PLCB1: variants seen among roughly 807,000 people sequenced by gnomAD.
PLCB1 encodes the protein 1-phosphatidylinositol 4,5-bisphosphate phosphodiesterase beta-1.
PLCB1 carries 46 observed loss-of-function variants against 161.8 expected under a neutral mutation model. The observed-to-expected ratio is 0.28, with a 90% confidence interval of 0.22 to 0.36. The LOEUF (loss-of-function observed/expected upper bound fraction) is 0.36. Among genes scored for constraint, PLCB1 ranks in the 10% least tolerant of loss-of-function variants. The pLI, the probability that PLCB1 is intolerant of heterozygous loss-of-function variation, is 1.00. For synonymous variants in PLCB1, 517 were observed against 503.7 expected (o/e 1.03, Z -0.35); for missense variants, 1,016 against 1,472.5 (o/e 0.69, Z 5.07).
chr20:8,706,932 G>T (rs1300617118), intron 11 of PLCB1, among the ~76,000 whole-genome samples: 1 of 152,170 alleles, frequency 6.6e-6, no homozygotes, highest in Admixed American at 6.5e-5. Flanking sequence ...GAGGCATTAA[G>T]TGATTTTCCC....
chr20:8,420,114 G>T (rs1169322702), intron 3 of PLCB1, among the ~76,000 whole-genome samples: 1 of 152,110 alleles, frequency 6.6e-6, no homozygotes, highest in Non-Finnish European at 1.5e-5. Flanking sequence ...AACAGAGAAA[G>T]CCCTTAATTT....
At chr20:8,340,485 C>T (rs162224) in intron 2 of PLCB1, among the ~76,000 whole-genome samples, 5 of 152,000 alleles carry the variant, frequency 3.3e-5, no homozygotes, top group African/African-American at 1.2e-4. Flanking sequence ...TGCAGTGGCG[C>T]GATCTCGGCT....
At chr20:8,395,016 A>G (rs1987723623) in intron 3 of PLCB1, among the ~76,000 whole-genome samples, 2 of 152,154 alleles carry the variant, frequency 1.3e-5, no homozygotes, top group Non-Finnish European at 2.9e-5. Flanking sequence ...TTTTCTTTCT[A>G]TGAATGTTAA....
At chr20:8,629,992 TTCTTTC>T in intron 4 of PLCB1, among the ~76,000 whole-genome samples, 1 of 99,386 alleles carries the variant, frequency 1.0e-5, no homozygotes, top group South Asian at 2.9e-4. Context: ...CTTTCTTTCT[TTCTTTC>T]TTTCTTTCTT....
At chr20:8,871,541 A>G (rs1245137068) in intron 31 of PLCB1, among the ~76,000 whole-genome samples, 1 of 152,272 alleles carries the variant, frequency 6.6e-6, no homozygotes, top group African/African-American at 2.4e-5. Context: ...ATTCAGTCCA[A>G]TGTTTTATTT....
chr20:8,648,980 A>G (rs1270773691), intron 6 of PLCB1, among the ~76,000 whole-genome samples: 2 of 151,104 alleles, frequency 1.3e-5, no homozygotes, highest in African/African-American at 2.4e-5. Flanking sequence ...AAGAAAAGAA[A>G]TTAATTTAAA....
intron 3 of PLCB1, among the ~76,000 whole-genome samples, chr20:8,552,937 T>C (rs1985822004): frequency 6.6e-6 from 1 of 152,142 alleles, no homozygotes; most frequent in Non-Finnish European, 1.5e-5. Context: ...TTATTGAGAA[T>C]TTGGGATAAA....
At chr20:8,180,025 A>C (rs1600219290) in intron 2 of PLCB1, among the ~76,000 whole-genome samples, 1 of 150,888 alleles carries the variant, frequency 6.6e-6, no homozygotes, top group African/African-American at 2.4e-5. Context: ...CGCCCGGCTA[A>C]TTTTTTGTAT....
At chr20:8,228,612 A>C (rs1485875239) in intron 2 of PLCB1, among the ~76,000 whole-genome samples, 2 of 151,926 alleles carry the variant, frequency 1.3e-5, no homozygotes, top group Non-Finnish European at 2.9e-5. Context: ...GGCTTAAGTG[A>C]TTCTCTCACC....
At chr20:8,652,995 A>G (rs939429082) in intron 7 of PLCB1, 1 of 152,038 alleles carries the variant, frequency 6.6e-6, no homozygotes, top group Non-Finnish European at 1.5e-5. Flanking sequence ...TTACCACTTT[A>G]CCCACAAACT....
At chr20:8,758,505 C>T (rs530494020) in intron 24 of PLCB1, among the ~76,000 whole-genome samples, 1 of 152,022 alleles carries the variant, frequency 6.6e-6, no homozygotes, top group Non-Finnish European at 1.5e-5. Context: ...TTGCTTGAAC[C>T]CAGGAGGCGG....
chr20:8,657,275 T>C lies in PLCB1; in HGVS notation c.686T>C (p.Phe229Ser). 1 of 1,586,282 alleles carries C rather than the reference T, an allele frequency of 6.3e-7. No individual in the cohort carries two copies. Among genetic ancestry groups the C allele is most frequent in the Non-Finnish European group, 8.7e-7 (1 of 1,154,868 alleles). ...CCTCGACCTGAAATTGATAACATCT[T>C]TTCAGAATTGTAAGAGTACACATTT... Reference protein sequence around the residue: ...LCPRPEIDNIFSEFGAKSKPY... With the variant: ...LCPRPEIDNISSEFGAKSKPY... The change falls in exon 8 of 32, where the codon TTT becomes TCT. Residue 229 changes from phenylalanine to serine, a missense_variant. Physicochemically the swap from Phe to Ser is radical, Grantham distance 155. Transcript: ENST00000338037.
At chr20:8,276,930 T>C (rs542263414) in intron 2 of PLCB1, among the ~76,000 whole-genome samples, 1 of 20,596 alleles carries the variant, frequency 4.9e-5, no homozygotes, top group African/African-American at 1.2e-4. Flanking sequence ...TCTTCTTTTC[T>C]TCTTCTTCTT....
chr20:8,194,849 A>C (rs923818504), intron 2 of PLCB1, among the ~76,000 whole-genome samples: 2 of 152,070 alleles, frequency 1.3e-5, no homozygotes, highest in Non-Finnish European at 2.9e-5. Context: ...GGGGAAGGGA[A>C]TTCCATTAGT....
At chr20:8,865,403 A>G (rs1987393547) in intron 31 of PLCB1, among the ~76,000 whole-genome samples, 1 of 152,246 alleles carries the variant, frequency 6.6e-6, no homozygotes, top group Non-Finnish European at 1.5e-5. Flanking sequence ...CATAAATAAG[A>G]GAAACACTCA....
At chr20:8,427,276 A>G (rs1025345232) in intron 3 of PLCB1, among the ~76,000 whole-genome samples, 1 of 152,198 alleles carries the variant, frequency 6.6e-6, no homozygotes, top group African/African-American at 2.4e-5. Context: ...ACATACTCAG[A>G]TTTGTAGCAT....
intron 31 of PLCB1, among the ~76,000 whole-genome samples, chr20:8,880,195 T>C (rs193029358): frequency 6.6e-6 from 1 of 152,316 alleles, no homozygotes; most frequent in East Asian, 1.9e-4. Context: ...GCATGGTGTT[T>C]CAAGGATTAT....
At chr20:8,253,504 A>G (rs542693840) in intron 2 of PLCB1, among the ~76,000 whole-genome samples, 54 of 152,062 alleles carry the variant, frequency 3.6e-4, no homozygotes, top group Middle Eastern at 3.4e-3. Context: ...ACAAACCATG[A>G]TTTATTGCCT....
At chr20:8,626,441 C>CCAATCATCT (rs1374155807) in intron 3 of PLCB1, among the ~76,000 whole-genome samples, 1 of 152,040 alleles carries the variant, frequency 6.6e-6, no homozygotes, top group Admixed American at 6.6e-5. Context: ...CGATCTTTAA[C>CCAATCATCT]CAATCATCTG....
Sources: gnomAD v4.1 joint callset for allele counts (sites outside exome capture counted in the v4.1 genomes callset) on GRCh38, gnomAD v4.1.1 for gene constraint, MANE v1.5 for transcripts, NCBI Gene and HGNC (gene_info 2026-07-23, HGNC 2026-07-21) for gene names.